Variants in TMEM131L observed in about 807,000 individuals in gnomAD.
TMEM131L encodes the protein transmembrane protein 131-like.
Under a neutral mutation model 192.2 loss-of-function variants are expected in TMEM131L, and 54 were observed. The observed-to-expected ratio is 0.28, with a 90% confidence interval of 0.23 to 0.35. TMEM131L has a LOEUF of 0.35. TMEM131L is among the 10% of genes least tolerant of loss of function. The pLI, the probability that TMEM131L is intolerant of heterozygous loss-of-function variation, is 1.00. For synonymous variants in TMEM131L, 701 were observed against 704.9 expected, an observed-to-expected ratio of 0.99 and a Z score of 0.09; for missense variants, 1,888 against 1,972.9, an observed-to-expected ratio of 0.96 and a Z score of 0.82.
chr4:153,587,868 G>A (rs1730804018), intron 15 of TMEM131L, 57 bp downstream of exon 15: 2 of 1,204,726 alleles, frequency 1.7e-6, no homozygotes, highest in Non-Finnish European at 2.5e-6. Context: ...ATGGGAAATA[G>A]TGAGGAAAAT....
At chr4:153,517,367 C>T (rs1193549908) in intron 3 of TMEM131L, among the ~76,000 whole-genome samples, 2 of 152,196 alleles carry the variant, frequency 1.3e-5, no homozygotes, top group Non-Finnish European at 2.9e-5. Flanking sequence ...GTTCTCTCAT[C>T]CTCCCTTGCA....
chr4:153,600,317 C>CGATCAT (rs1039607103), intron 21 of TMEM131L, among the ~76,000 whole-genome samples: 3 of 150,432 alleles, frequency 2.0e-5, no homozygotes, highest in African/African-American at 7.4e-5. Context: ...CAGTGAGCTA[C>CGATCAT]GATCATGCCA....
chr4:153,469,494 G>T (rs2149707901), intron 2 of TMEM131L, among the ~76,000 whole-genome samples: 1 of 152,256 alleles, frequency 6.6e-6, no homozygotes, highest in East Asian at 1.9e-4. Context: ...ATATTTATAG[G>T]TGTTAATTTA....
intron 3 of TMEM131L, among the ~76,000 whole-genome samples, chr4:153,515,912 A>G (rs1010417773): frequency 1.5e-5 from 2 of 132,688 alleles, no homozygotes; most frequent in African/African-American, 5.4e-5. Context: ...TCCTCTGCCC[A>G]TTTTTTTTTT....
intron 3 of TMEM131L, among the ~76,000 whole-genome samples, chr4:153,510,006 T>G (rs938531428): frequency 6.6e-6 from 1 of 152,342 alleles, no homozygotes; most frequent in African/African-American, 2.4e-5. Context: ...GAATGCTACC[T>G]TTTCATTTTA....
At chr4:153,507,487 A>G (rs1210932832) in intron 3 of TMEM131L, among the ~76,000 whole-genome samples, 1 of 152,146 alleles carries the variant, frequency 6.6e-6, no homozygotes, top group African/African-American at 2.4e-5. Flanking sequence ...GACTTCTGTT[A>G]CCTTATGGCT....
intron 3 of TMEM131L, among the ~76,000 whole-genome samples, chr4:153,517,040 TG>T (rs2150118097): frequency 6.6e-6 from 1 of 152,174 alleles, no homozygotes; most frequent in Admixed American, 6.5e-5. Context: ...TTGGCCAGGC[TG>T]GTCTCAAACT....
chr4:153,532,745 A>G (rs960569623), intron 3 of TMEM131L, among the ~76,000 whole-genome samples: 1 of 152,152 alleles, frequency 6.6e-6, no homozygotes, highest in Non-Finnish European at 1.5e-5. Flanking sequence ...ATAAATAGTC[A>G]TAAAATGTTT....
At chr4:153,510,473 C>T (rs955968455) in intron 3 of TMEM131L, among the ~76,000 whole-genome samples, 5 of 152,166 alleles carry the variant, frequency 3.3e-5, no homozygotes, top group African/African-American at 1.2e-4. Flanking sequence ...TTCACCTACC[C>T]CTTATCAGAG....
chr4:153,516,230 A>G (rs1175427103), intron 3 of TMEM131L, among the ~76,000 whole-genome samples: 4 of 152,010 alleles, frequency 2.6e-5, no homozygotes, highest in African/African-American at 9.7e-5. Flanking sequence ...TCATTATATG[A>G]ATGTTCTATA....
chr4:153,491,964 T>G (rs1732818755), intron 3 of TMEM131L, among the ~76,000 whole-genome samples: 1 of 151,936 alleles, frequency 6.6e-6, no homozygotes, highest in African/African-American at 2.4e-5. Context: ...CTCCCCAAAG[T>G]GTTGGGATTG....
At chr4:153,626,604 T>C (rs1241403111) in intron 30 of TMEM131L, among the ~76,000 whole-genome samples, 1 of 152,156 alleles carries the variant, frequency 6.6e-6, no homozygotes, top group Non-Finnish European at 1.5e-5. Flanking sequence ...AAGAATTTCG[T>C]TTTTTCTTTT....
intron 3 of TMEM131L, among the ~76,000 whole-genome samples, chr4:153,497,781 A>G (rs1180384466): frequency 6.6e-6 from 1 of 150,668 alleles, no homozygotes; most frequent in African/African-American, 2.4e-5. Context: ...TTTATCATAG[A>G]CTATACTCTT....
At chr4:153,471,464 C>T (rs1731155378) in intron 2 of TMEM131L, among the ~76,000 whole-genome samples, 1 of 152,178 alleles carries the variant, frequency 6.6e-6, no homozygotes, top group Non-Finnish European at 1.5e-5. Flanking sequence ...TTGTCAGTGT[C>T]TTGCCGAGTT....
rs549228392 is a variant in TMEM131L at position 153,474,852 on chromosome 4, G to A, written c.239+964G>A. Among the ~76,000 whole-genome samples, 70 of 152,188 alleles carry A rather than the reference G, an allele frequency of 4.6e-4. No homozygotes were observed. In the South Asian group the frequency reaches 0.012, roughly 27 times the overall value. ...ATTACAGACATGAGCCACCGCACTC[G>A]GTCCTGTGAATTCCATTTTTAAGAG... On this transcript the variant is annotated intron_variant, in intron 3 of 34. Coordinates refer to ENST00000409959, the MANE Select transcript of TMEM131L (RefSeq NM_001131007.2).
intron 19 of TMEM131L, among the ~76,000 whole-genome samples, chr4:153,594,403 G>A (rs1731284487): frequency 2.0e-5 from 3 of 152,034 alleles, no homozygotes; most frequent in Admixed American, 2.0e-4. Context: ...ATGTCATGTG[G>A]TGAAGATGCT....
chr4:153,503,208 C>T (rs1197400786), intron 3 of TMEM131L, among the ~76,000 whole-genome samples: 1 of 152,182 alleles, frequency 6.6e-6, no homozygotes, highest in African/African-American at 2.4e-5. Context: ...TGATGTTTTC[C>T]ATTGCTATAA....
chr4:153,543,311 GT>G (rs1304759416), intron 3 of TMEM131L, among the ~76,000 whole-genome samples: 4 of 151,228 alleles, frequency 2.6e-5, no homozygotes, highest in Non-Finnish European at 5.9e-5. Context: ...TGTCTTTTAT[GT>G]TTTTTCCTAT....
At chr4:153,616,014 G>A (rs1367051953) in intron 26 of TMEM131L, among the ~76,000 whole-genome samples, 3 of 152,012 alleles carry the variant, frequency 2.0e-5, no homozygotes, top group African/African-American at 7.3e-5. Flanking sequence ...GGGTCTTGCC[G>A]TTTACCTCTG....
Sources: allele counts gnomAD v4.1 joint callset (sites outside exome capture counted in the v4.1 genomes callset), GRCh38; gene constraint gnomAD v4.1.1; transcripts MANE v1.5; gene names NCBI Gene and HGNC (gene_info 2026-07-23, HGNC 2026-07-21).